NAT2: variants seen among roughly 807,000 people sequenced by gnomAD.
NAT2 encodes the protein N-acetyltransferase 2, also known as arylamine N-acetyltransferase 2.
For missense variants in NAT2, 428 were observed against 339.1 expected (o/e 1.26, Z -2.06); for synonymous variants, 137 against 125.9 (o/e 1.09, Z -0.59).
At chr8:18,388,281 T>C (rs898497890), upstream of NAT2, among the ~76,000 whole-genome samples, 3 of 152,324 alleles carry the variant, frequency 2.0e-5, no homozygotes, top group South Asian at 2.1e-4. Flanking sequence ...ACCTGGGCTT[T>C]AGTTTCTAGA....
chr8:18,395,782 C>A (rs28767024), intron 1 of NAT2, among the ~76,000 whole-genome samples: 1 of 152,064 alleles, frequency 6.6e-6, no homozygotes, highest in Non-Finnish European at 1.5e-5. Context: ...ATTACAATCA[C>A]CAAACAGGTC....
chr8:18,395,167 G>GT (rs1392010546), intron 1 of NAT2, among the ~76,000 whole-genome samples: 2 of 151,872 alleles, frequency 1.3e-5, no homozygotes, highest in Middle Eastern at 3.2e-3. Context: ...AGTCCTGGGA[G>GT]TTTTTTTTCT....
chr8:18,394,331 C>G (rs1324812472), intron 1 of NAT2, among the ~76,000 whole-genome samples: 1 of 152,170 alleles, frequency 6.6e-6, no homozygotes, highest in Non-Finnish European at 1.5e-5. Context: ...GATGGCTTAG[C>G]TTAGGCTCAG....
At chr8:18,390,738 C>T (rs1335686240), upstream of NAT2, among the ~76,000 whole-genome samples, 2 of 151,688 alleles carry the variant, frequency 1.3e-5, no homozygotes, top group African/African-American at 4.8e-5. Context: ...AAAGCAGAAA[C>T]AAAGCCATAT....
chr8:18,392,064 A>T (rs1161598475), intron 1 of NAT2, among the ~76,000 whole-genome samples: 3 of 152,246 alleles, frequency 2.0e-5, no homozygotes, highest in Non-Finnish European at 4.4e-5. Context: ...GAGCCAATGT[A>T]TACCTTATGT....
intron 1 of NAT2, among the ~76,000 whole-genome samples, chr8:18,392,174 A>G (rs941283036): frequency 1.3e-5 from 2 of 152,232 alleles, no homozygotes. Context: ...TATTTAATGT[A>G]TATACATGGT....
At position 18,400,681 on chromosome 8, in the gene NAT2, G is replaced by A; in HGVS notation, c.678G>A (p.Gln226=). The A allele has an allele frequency of 6.2e-7, 1 of 1,613,910 alleles. No homozygotes were observed. Among genetic ancestry groups the A allele is most frequent in the Non-Finnish European group, 8.5e-7 (1 of 1,179,938 alleles). The change falls in exon 2 of 2, where the codon CAG becomes CAA. Residue 226 remains glutamine, a synonymous_variant. Transcript: ENST00000286479. The part of the protein sequence containing the change: ...SFITTSFCSL[Q]TPEGVYCLVG... Reference sequence around the variant, plus strand: ...TAACCACATCATTTTGTTCCTTGCAGACCCCAGAAGGGGTTTACTGTTTGG... The same window carrying A: ...TAACCACATCATTTTGTTCCTTGCAAACCCCAGAAGGGGTTTACTGTTTGG...
intron 1 of NAT2, 93 bp from the exon 2 acceptor site, chr8:18,399,905 C>T (rs1046619957): frequency 4.3e-5 from 58 of 1,337,418 alleles, no homozygotes; most frequent in Non-Finnish European, 5.3e-5. Context: ...TGTGTTTTTA[C>T]GTATTTAAAA....
At chr8:18,399,935 G>C in intron 1 of NAT2, 63 bp from the exon 2 acceptor site, 1 of 1,481,050 alleles carries the variant, frequency 6.8e-7, no homozygotes, top group Non-Finnish European at 9.1e-7. Flanking sequence ...CCTATAATTA[G>C]TCACACGAGG....
upstream of NAT2, among the ~76,000 whole-genome samples, chr8:18,388,040 G>A (rs1800533521): frequency 1.3e-5 from 2 of 152,156 alleles, no homozygotes; most frequent in Non-Finnish European, 2.9e-5. Context: ...TATCACAATG[G>A]TTATTTTTCT....
At chr8:18,392,102 A>C (rs917578591) in intron 1 of NAT2, among the ~76,000 whole-genome samples, 2 of 152,246 alleles carry the variant, frequency 1.3e-5, no homozygotes, top group African/African-American at 4.8e-5. Flanking sequence ...GGCCCCCTAA[A>C]GCTTCACTAA....
chr8:18,387,126 G>C (rs1800516656), upstream of NAT2: 1 of 152,480 alleles, frequency 6.6e-6, no homozygotes. Context: ...GCGCGCTCCA[G>C]GTCCTGGACG....
At chr8:18,391,202 G>C (rs566523074), upstream of NAT2, 1 of 152,140 alleles carries the variant, frequency 6.6e-6, no homozygotes, top group Non-Finnish European at 1.5e-5. Flanking sequence ...TCCCTGAGGT[G>C]ATCCTAACTA....
upstream of NAT2, among the ~76,000 whole-genome samples, chr8:18,386,726 C>T (rs1462788371): frequency 6.6e-6 from 1 of 152,156 alleles, no homozygotes; most frequent in Non-Finnish European, 1.5e-5. Context: ...TCCCACCCAC[C>T]CGTACCAAGG....
intron 1 of NAT2, among the ~76,000 whole-genome samples, chr8:18,393,493 A>C (rs1281704917): frequency 6.6e-6 from 1 of 152,142 alleles, no homozygotes; most frequent in Non-Finnish European, 1.5e-5. Flanking sequence ...AAATGTTACT[A>C]TCTGGAGTAG....
rs904393746 is a variant in NAT2 at position 18,400,749 on chromosome 8, A to G, written c.746A>G (p.Asn249Ser). The change falls in exon 2 of 2, where the codon AAT becomes AGT. Residue 249 changes from asparagine to serine, a missense_variant. Asn to Ser is a conservative substitution (Grantham distance 46). Transcript: ENST00000286479. ...TATAGAAAATTCAATTATAAAGACA[A>G]TACAGATCTGGTCGAGTTTAAAACT... is the stretch of plus-strand genomic sequence containing the variant. ...LTYRKFNYKD[N>S]TDLVEFKTLT... is the part of the protein sequence containing the mutation. 1 of 1,613,574 alleles carries G rather than the reference A, an allele frequency of 6.2e-7. No individual in the cohort carries two copies. Among genetic ancestry groups the G allele is most frequent in the African/African-American group, 1.3e-5 (1 of 74,886 alleles).
chr8:18,396,806 C>T (rs45492193), intron 1 of NAT2, among the ~76,000 whole-genome samples: 113 of 152,270 alleles, frequency 7.4e-4, no homozygotes, highest in African/African-American at 2.6e-3. Flanking sequence ...CTTGGGTGAA[C>T]ACCTGATATT....
chr8:18,400,839 T>G lies in NAT2; in HGVS notation c.836T>G (p.Leu279Arg), dbSNP rs777549905. The part of the protein sequence containing the change: ...NIFKISLGRN[L>R]VPKPGDGSLT... The stretch of plus-strand genomic sequence containing the variant: ...TTTAAGATTTCCTTGGGGAGAAATC[T>G]CGTGCCCAAACCTGGTGATGGATCC... Residue 279 changes from leucine (L) to arginine (R), a missense_variant, in exon 2 of 2, where the codon CTC (leucine) becomes CGC (arginine). Leu to Arg is a moderately radical substitution (Grantham distance 102). Coordinates refer to ENST00000286479, the MANE Select transcript of NAT2 (RefSeq NM_000015.3). 3 of 1,607,180 alleles carry G rather than the reference T, an allele frequency of 1.9e-6. No homozygotes were observed. The highest frequency in any genetic ancestry group is 2.5e-6 in the Non-Finnish European group (3 of 1,177,926).
At chr8:18,386,331 G>C (rs1462929622), upstream of NAT2, among the ~76,000 whole-genome samples, 2 of 152,188 alleles carry the variant, frequency 1.3e-5, no homozygotes, top group Non-Finnish European at 2.9e-5. Context: ...CCCACAACTG[G>C]AGCCAGCAAC....
Sources: gnomAD v4.1 joint callset for allele counts (sites outside exome capture counted in the v4.1 genomes callset) on GRCh38, gnomAD v4.1.1 for gene constraint, MANE v1.5 for transcripts, NCBI Gene and HGNC (gene_info 2026-07-23, HGNC 2026-07-21) for gene names.